TUNAR: variants seen among roughly 807,000 people sequenced by gnomAD.
The protein encoded by TUNAR is transmembrane neural differentiation associated intracellular calcium regulator.
At chr14:95,876,598 G>C (rs1888882117) in exon 1 of TUNAR, 1 of 152,630 alleles carries the variant, frequency 6.6e-6, no homozygotes, top group African/African-American at 2.4e-5. Context: ...CGCGGTCGCC[G>C]CTGGTAAGCT....
At chr14:95,885,311 T>G (rs1889058370) in intron 2 of TUNAR, among the ~76,000 whole-genome samples, 1 of 152,062 alleles carries the variant, frequency 6.6e-6, no homozygotes, top group South Asian at 2.1e-4. Context: ...ATTAGCAAAG[T>G]GGGGTGGAGG....
intron 2 of TUNAR, among the ~76,000 whole-genome samples, chr14:95,921,537 A>G (rs567111807): frequency 4.6e-5 from 7 of 152,340 alleles, no homozygotes; most frequent in Admixed American, 4.6e-4. Flanking sequence ...AGTTATTTTG[A>G]TTATTGCAAT....
chr14:95,905,713 A>G (rs1246556843), intron 2 of TUNAR, among the ~76,000 whole-genome samples: 2 of 152,164 alleles, frequency 1.3e-5, no homozygotes, highest in African/African-American at 4.8e-5. Context: ...CTCAAACATG[A>G]GCTCATTACT....
intron 2 of TUNAR, among the ~76,000 whole-genome samples, chr14:95,914,041 C>T (rs956325166): frequency 6.6e-6 from 1 of 152,194 alleles, no homozygotes; most frequent in Non-Finnish European, 1.5e-5. Context: ...CCTAGGTGGA[C>T]TTTATAGCAA....
At position 95,920,596 on chromosome 14, in the gene TUNAR, A is replaced by G. The variant is rs539508839; in HGVS notation, c.13-2185A>G. On this transcript the variant is annotated intron_variant, in intron 2 of 2. Coordinates refer to ENST00000678517, the Ensembl canonical transcript of TUNAR. Reference sequence around the variant, plus strand: ...AGTTTCATGTTGCATCAGTTCCTCCATTCTTCACTGATGTGCTTGCCTCTC... The same window carrying G: ...AGTTTCATGTTGCATCAGTTCCTCCGTTCTTCACTGATGTGCTTGCCTCTC... Among the ~76,000 whole-genome samples the G allele has an allele frequency of 5.3e-5, 8 of 152,246 alleles. No homozygotes were observed. In the South Asian group the frequency reaches 8.3e-4, roughly 16 times the overall value.
intron 2 of TUNAR, among the ~76,000 whole-genome samples, chr14:95,881,187 A>C (rs562222218): frequency 6.6e-6 from 1 of 152,302 alleles, no homozygotes; most frequent in South Asian, 2.1e-4. Context: ...GCTGTCAATA[A>C]ACCTCTAAAT....
chr14:95,884,175 C>T (rs1889031044), intron 2 of TUNAR, among the ~76,000 whole-genome samples: 1 of 152,150 alleles, frequency 6.6e-6, no homozygotes, highest in Non-Finnish European at 1.5e-5. Context: ...CCAGAGTGAG[C>T]CTTTTAAAGG....
At chr14:95,879,895 C>A (rs1431074609) in intron 2 of TUNAR, among the ~76,000 whole-genome samples, 3 of 152,222 alleles carry the variant, frequency 2.0e-5, no homozygotes, top group African/African-American at 4.8e-5. Context: ...GGGCTTGAGA[C>A]CATGCCCTCA....
intron 2 of TUNAR, among the ~76,000 whole-genome samples, chr14:95,915,781 T>G (rs1382102546): frequency 1.3e-5 from 2 of 152,152 alleles, no homozygotes; most frequent in Non-Finnish European, 2.9e-5. Flanking sequence ...AGCAAATGAT[T>G]AAAAACTCTC....
intron 2 of TUNAR, among the ~76,000 whole-genome samples, chr14:95,903,230 T>C (rs1332057995): frequency 1.3e-5 from 2 of 152,230 alleles, no homozygotes. Flanking sequence ...TAAAATGTGA[T>C]GATAGTGTCT....
At position 95,918,303 on chromosome 14, in the gene TUNAR, A is replaced by G. The variant is rs554119153; in HGVS notation, c.13-4478A>G. On this transcript the variant is annotated intron_variant, in intron 2 of 2. Transcript: ENST00000678517. ...CTAATCCATTTTAAAATGTGCTGTT[A>G]TTATTATACTTGTTGCTTATTGTTT... is the stretch of plus-strand genomic sequence containing the variant. 9.9e-5 allele frequency among the ~76,000 whole-genome samples: 15 copies of G among 152,254 alleles called. No individual in the cohort carries two copies. The East Asian group carries it at 2.9e-3, about 29-fold the overall frequency.
At chr14:95,905,841 T>C (rs1028481867) in intron 2 of TUNAR, among the ~76,000 whole-genome samples, 1 of 152,288 alleles carries the variant, frequency 6.6e-6, no homozygotes, top group Admixed American at 6.5e-5. Context: ...GGAACTCTAC[T>C]GTAAGAAAGA....
intron 2 of TUNAR, among the ~76,000 whole-genome samples, chr14:95,878,154 T>G (rs994063900): frequency 2.6e-5 from 4 of 152,228 alleles, no homozygotes; most frequent in African/African-American, 4.8e-5. Flanking sequence ...TTGCCAGCCC[T>G]CAGTGTCAGC....
chr14:95,894,578 T>C (rs925435744), intron 2 of TUNAR, among the ~76,000 whole-genome samples: 1 of 152,118 alleles, frequency 6.6e-6, no homozygotes, highest in African/African-American at 2.4e-5. Flanking sequence ...TTTCTTGGTG[T>C]AAACTGTTCC....
rs578015155 is a variant in TUNAR, at chr14:95,922,404, A to G, written c.13-377A>G. On this transcript the variant is annotated intron_variant, in intron 2 of 2. Transcript: ENST00000678517. ...GCATGTTTCTTGCGTGTAACCCAAT[A>G]TGTGAGAGTATGTGAAATTCCCACC... Among the ~76,000 whole-genome samples, 6 of 152,298 alleles carry G rather than the reference A, an allele frequency of 3.9e-5. No individual in the cohort carries two copies. In the East Asian group the frequency reaches 9.7e-4, roughly 25 times the overall value.
chr14:95,884,105 C>G (rs905445014), intron 2 of TUNAR, among the ~76,000 whole-genome samples: 4 of 152,198 alleles, frequency 2.6e-5, no homozygotes, highest in African/African-American at 9.7e-5. Context: ...TCGACTCTCT[C>G]TTCACCACGC....
At chr14:95,919,117 A>T (rs1288411202) in intron 2 of TUNAR, among the ~76,000 whole-genome samples, 1 of 152,214 alleles carries the variant, frequency 6.6e-6, no homozygotes, top group Non-Finnish European at 1.5e-5. Flanking sequence ...TAAGATTCTT[A>T]CAACAGACTT....
At chr14:95,917,213 A>G (rs1030353471) in intron 2 of TUNAR, among the ~76,000 whole-genome samples, 1 of 152,202 alleles carries the variant, frequency 6.6e-6, no homozygotes, top group Admixed American at 6.5e-5. Flanking sequence ...ATTCTTATCT[A>G]TAATTCATCT....
intron 2 of TUNAR, among the ~76,000 whole-genome samples, chr14:95,889,959 C>CAAAAAAAA (rs535897006): frequency 3.3e-5 from 3 of 92,192 alleles, no homozygotes; most frequent in Non-Finnish European, 4.6e-5. Context: ...GACACAAAGA[C>CAAAAAAAA]AAAAAAAAAA....
Sources: allele counts gnomAD v4.1 joint callset (sites outside exome capture counted in the v4.1 genomes callset), GRCh38; gene constraint gnomAD v4.1.1; transcripts MANE v1.5; gene names NCBI Gene and HGNC (gene_info 2026-07-23, HGNC 2026-07-21).